ZBTB20: variants seen among roughly 807,000 people sequenced by gnomAD.
ZBTB20 encodes zinc finger and BTB domain-containing protein 20.
Under a neutral mutation model 56.9 loss-of-function variants are expected in ZBTB20, and 9 were observed. The observed-to-expected ratio is 0.16, with a 90% CI of 0.10 to 0.28. The LOEUF is 0.28. Among genes scored for constraint, ZBTB20 ranks in the 10% least tolerant of loss-of-function variants. The pLI is 1.00. For synonymous variants in ZBTB20, 417 were observed against 420.7 expected (o/e 0.99, Z 0.11); for missense variants, 655 against 1,003.0 (o/e 0.65, Z 4.69).
chr3:114,528,046 T>C, intron 6 of ZBTB20, among the ~76,000 whole-genome samples: 2 of 151,728 alleles, frequency 1.3e-5, no homozygotes, highest in Non-Finnish European at 2.9e-5. Context: ...TTTCACTACA[T>C]GGACAATGCC....
At chr3:114,903,955 C>A (rs73857867) in intron 3 of ZBTB20, among the ~76,000 whole-genome samples, 1 of 151,890 alleles carries the variant, frequency 6.6e-6, no homozygotes, top group African/African-American at 2.4e-5. Context: ...TGATGTTGTT[C>A]TAGTCCTTAT....
At chr3:114,681,502 G>A (rs934158628) in intron 6 of ZBTB20, among the ~76,000 whole-genome samples, 1 of 152,192 alleles carries the variant, frequency 6.6e-6, no homozygotes, top group African/African-American at 2.4e-5. Flanking sequence ...ATTATTAGAA[G>A]GCTGGGAGCC....
chr3:114,614,737 TTTTGTTTGTTTG>T (rs141944007), intron 6 of ZBTB20, among the ~76,000 whole-genome samples: 2 of 150,650 alleles, frequency 1.3e-5, no homozygotes, highest in Admixed American at 6.6e-5. Flanking sequence ...TGGCCACTTT[TTTTGTTTGTTTG>T]TTTGTTTGTT....
At chr3:114,340,476 A>G (rs1007862394) in intron 11 of ZBTB20, among the ~76,000 whole-genome samples, 1 of 152,168 alleles carries the variant, frequency 6.6e-6, no homozygotes, top group African/African-American at 2.4e-5. Flanking sequence ...GTTTTTCCTC[A>G]GTTTACTGCT....
intron 1 of ZBTB20, among the ~76,000 whole-genome samples, chr3:115,112,311 TTTCTTTTTTTTTGAGTACTCTC>T (rs1196091324): frequency 1.3e-5 from 2 of 152,116 alleles, no homozygotes; most frequent in African/African-American, 4.8e-5. Context: ...TCTATGTGGT[TTTCTTTTTTTTTGAGTACTCTC>T]TTCTAGCTAT....
chr3:114,477,929 GTCTCTC>G (rs66520481), intron 7 of ZBTB20, among the ~76,000 whole-genome samples: 2 of 121,814 alleles, frequency 1.6e-5, no homozygotes, highest in African/African-American at 6.5e-5. Context: ...TTCTTTCTCT[GTCTCTC>G]TCTCTCTCTC....
intron 1 of ZBTB20, among the ~76,000 whole-genome samples, chr3:115,135,084 G>T (rs79760569): frequency 6.6e-6 from 1 of 152,120 alleles, no homozygotes. Flanking sequence ...CAAGCTCTTC[G>T]TCCCAATGTC....
chr3:115,055,187 A>C (rs953130316), intron 2 of ZBTB20, among the ~76,000 whole-genome samples: 35 of 103,182 alleles, frequency 3.4e-4, no homozygotes, highest in African/African-American at 4.4e-4. Context: ...CCTCCTGGTA[A>C]TCTCTCTCTC....
At chr3:114,375,171 G>T (rs1292793111) in intron 10 of ZBTB20, among the ~76,000 whole-genome samples, 1 of 152,216 alleles carries the variant, frequency 6.6e-6, no homozygotes, top group Admixed American at 6.5e-5. Context: ...GAGCGTGTCT[G>T]CCTTAAAGCC....
intron 4 of ZBTB20, among the ~76,000 whole-genome samples, chr3:114,826,331 C>T (rs1296085330): frequency 6.6e-6 from 1 of 151,656 alleles, no homozygotes; most frequent in African/African-American, 2.4e-5. Context: ...CCAAGAAAGA[C>T]ATCAGGCTGT....
At chr3:114,862,922 T>A (rs1183611916) in intron 4 of ZBTB20, among the ~76,000 whole-genome samples, 1 of 152,148 alleles carries the variant, frequency 6.6e-6, no homozygotes, top group Non-Finnish European at 1.5e-5. Context: ...AACAATTATT[T>A]ATTGAATACA....
intron 6 of ZBTB20, among the ~76,000 whole-genome samples, chr3:114,637,097 G>GTCAT (rs2059320473): frequency 6.6e-6 from 1 of 151,896 alleles, no homozygotes; most frequent in African/African-American, 2.4e-5. Flanking sequence ...CAGAGAGAAG[G>GTCAT]TCATTATATA....
At chr3:115,063,616 G>A (rs1165761418) in intron 2 of ZBTB20, among the ~76,000 whole-genome samples, 1 of 151,460 alleles carries the variant, frequency 6.6e-6, no homozygotes, top group Admixed American at 6.6e-5. Context: ...AAATCTGTAA[G>A]AATTTTTAGT....
At chr3:114,962,171 T>C (rs933244791) in intron 3 of ZBTB20, among the ~76,000 whole-genome samples, 4 of 147,736 alleles carry the variant, frequency 2.7e-5, no homozygotes, top group African/African-American at 8.1e-5. Flanking sequence ...ACATGCACAG[T>C]TGCTATATTC....
At chr3:114,362,468 T>C (rs2081990621) in intron 10 of ZBTB20, among the ~76,000 whole-genome samples, 1 of 152,236 alleles carries the variant, frequency 6.6e-6, no homozygotes, top group Admixed American at 6.5e-5. Flanking sequence ...GCACATTTAC[T>C]CTGAGATATG....
At chr3:114,993,874 A>C (rs552114758) in intron 2 of ZBTB20, among the ~76,000 whole-genome samples, 1 of 151,782 alleles carries the variant, frequency 6.6e-6, no homozygotes, top group Non-Finnish European at 1.5e-5. Flanking sequence ...AGAATAATCC[A>C]TGTAAAAGAG....
chr3:114,963,981 T>C (rs1031080662), intron 3 of ZBTB20, among the ~76,000 whole-genome samples: 5 of 152,178 alleles, frequency 3.3e-5, no homozygotes, highest in African/African-American at 9.7e-5. Context: ...GACCATGTAG[T>C]TTCTTTAAGT....
chr3:114,592,370 G>A (rs1229488871), intron 6 of ZBTB20, among the ~76,000 whole-genome samples: 1 of 152,178 alleles, frequency 6.6e-6, no homozygotes, highest in African/African-American at 2.4e-5. Flanking sequence ...ATCATCAAAC[G>A]ATGGGCAAAT....
chr3:114,897,509 G>T (rs1247624359), intron 4 of ZBTB20, among the ~76,000 whole-genome samples: 1 of 152,086 alleles, frequency 6.6e-6, no homozygotes, highest in Non-Finnish European at 1.5e-5. Context: ...AGGAATCCTA[G>T]GGCATAGGAA....
Sources: allele counts gnomAD v4.1 joint callset (sites outside exome capture counted in the v4.1 genomes callset), GRCh38; gene constraint gnomAD v4.1.1; transcripts MANE v1.5; gene names NCBI Gene and HGNC (gene_info 2026-07-23, HGNC 2026-07-21).